Variants in DLG2 observed in about 807,000 individuals in gnomAD.
DLG2 encodes disks large homolog 2.
DLG2 carries 45 observed loss-of-function variants against 132.5 expected under a neutral mutation model. The ratio of observed to expected loss-of-function variants is 0.34; its 90% CI spans 0.27 to 0.44. DLG2 has a LOEUF of 0.44. Ranked by LOEUF, DLG2 falls within the 20% of genes least tolerant of loss-of-function variation. The pLI is 1.00. For synonymous variants in DLG2, 424 were observed against 419.6 expected (o/e 1.01, Z -0.13); for missense variants, 1,045 against 1,196.9 (o/e 0.87, Z 1.87).
At chr11:84,449,673 A>T (rs1476107249) in intron 7 of DLG2, among the ~76,000 whole-genome samples, 1 of 151,876 alleles carries the variant, frequency 6.6e-6, no homozygotes, top group African/African-American at 2.4e-5. Context: ...CATTTTTAAA[A>T]TGTTTACATA....
intron 15 of DLG2, among the ~76,000 whole-genome samples, chr11:83,925,977 T>G (rs1302652228): frequency 1.3e-5 from 2 of 152,180 alleles, no homozygotes; most frequent in African/African-American, 4.8e-5. Flanking sequence ...AATTTTAGTT[T>G]GATTTCAGGC....
intron 7 of DLG2, among the ~76,000 whole-genome samples, chr11:84,357,915 A>G (rs1301112843): frequency 6.6e-6 from 1 of 152,000 alleles, no homozygotes; most frequent in African/African-American, 2.4e-5. Flanking sequence ...ATAATTTTCT[A>G]GAAGTTGGCC....
At chr11:85,372,434 C>G (rs1340473737) in intron 3 of DLG2, among the ~76,000 whole-genome samples, 1 of 152,172 alleles carries the variant, frequency 6.6e-6, no homozygotes, top group East Asian at 1.9e-4. Flanking sequence ...TGCAACCCCC[C>G]TGAGATACAT....
At chr11:83,681,539 C>T (rs896138264) in intron 18 of DLG2, among the ~76,000 whole-genome samples, 8 of 152,286 alleles carry the variant, frequency 5.3e-5, no homozygotes, top group Admixed American at 3.9e-4. Flanking sequence ...TTCTTTCACT[C>T]CCTCTCCCAC....
intron 7 of DLG2, among the ~76,000 whole-genome samples, chr11:84,510,618 T>C (rs905269218): frequency 3.0e-4 from 46 of 152,312 alleles, no homozygotes; most frequent in Admixed American, 2.8e-3. Flanking sequence ...TCCAAATGTA[T>C]GTAATATATA....
At chr11:83,527,495 G>T (rs1814569515) in intron 21 of DLG2, among the ~76,000 whole-genome samples, 1 of 152,074 alleles carries the variant, frequency 6.6e-6, no homozygotes, top group Non-Finnish European at 1.5e-5. Context: ...AGGATTCCTT[G>T]AGCCCAAGAG....
intron 3 of DLG2, among the ~76,000 whole-genome samples, chr11:85,403,395 T>C (rs75942801): frequency 1.3e-5 from 2 of 151,804 alleles, no homozygotes; most frequent in African/African-American, 4.8e-5. Context: ...ATGTAAATGA[T>C]GAGTTGATGG....
chr11:85,122,004 G>A lies in DLG2; in HGVS notation c.283-10269C>T, dbSNP rs569301512. Among the ~76,000 whole-genome samples, 3 of 152,198 alleles carry A rather than the reference G, an allele frequency of 2.0e-5. No individual in the cohort carries two copies. The South Asian group carries it at 6.2e-4, about 32-fold the overall frequency. ...TGTGTGTGTAAATTAGAGGAAGGAA[G>A]AATTTCACCCACTCATTCACTTATT... On this transcript the variant is annotated intron_variant, in intron 5 of 27. Transcript: ENST00000376104.
At chr11:85,262,199 G>A (rs150482519) in intron 4 of DLG2, among the ~76,000 whole-genome samples, 5 of 152,270 alleles carry the variant, frequency 3.3e-5, no homozygotes, top group East Asian at 3.9e-4. Context: ...TTTCTGATCC[G>A]GAAGTTTTTT....
intron 6 of DLG2, among the ~76,000 whole-genome samples, chr11:84,989,757 T>C (rs1484175048): frequency 2.6e-5 from 4 of 152,186 alleles, no homozygotes; most frequent in African/African-American, 9.6e-5. Flanking sequence ...CTGTGTGATG[T>C]TGGTACAGGG....
intron 16 of DLG2, among the ~76,000 whole-genome samples, chr11:83,853,797 A>C (rs1318728674): frequency 6.6e-6 from 1 of 152,142 alleles, no homozygotes; most frequent in African/African-American, 2.4e-5. Context: ...AAAAACTTGA[A>C]GCTTTCCCAC....
At chr11:84,689,636 A>G (rs1210344738) in intron 6 of DLG2, among the ~76,000 whole-genome samples, 2 of 152,180 alleles carry the variant, frequency 1.3e-5, no homozygotes, top group African/African-American at 4.8e-5. Context: ...TTACTATAGA[A>G]GTTAAAAAGA....
chr11:84,282,291 T>G (rs1295171699), intron 7 of DLG2, among the ~76,000 whole-genome samples: 1 of 152,126 alleles, frequency 6.6e-6, no homozygotes, highest in Admixed American at 6.5e-5. Context: ...TTATATAAAA[T>G]TATAGAAAAT....
intron 17 of DLG2, among the ~76,000 whole-genome samples, chr11:83,806,814 G>A (rs547732771): frequency 6.6e-6 from 1 of 152,166 alleles, no homozygotes; most frequent in African/African-American, 2.4e-5. Context: ...AGCTCACCAA[G>A]GATTTCATGG....
Position 85,150,699 on chromosome 11 carries a change from A to AGTGTGTGTGTGTGT in DLG2, c.282+3843_282+3856dup, listed in dbSNP as rs71036459. Reference sequence around the variant, plus strand: ...TTTCCTTTTGTTCCTAAGGCTACATAGTGTGTGTGTGTGTGTGTGTGTGTG... The same window carrying AGTGTGTGTGTGTGT: ...TTTCCTTTTGTTCCTAAGGCTACATAGTGTGTGTGTGTGTGTGTGTGTGTGTGTGTGTGTGTGTG... On this transcript the variant is annotated intron_variant, in intron 5 of 27. Transcript: ENST00000376104. Among the ~76,000 whole-genome samples the AGTGTGTGTGTGTGT allele has an allele frequency of 1.3e-4, 17 of 127,348 alleles. No homozygotes were observed. In the East Asian group the frequency reaches 1.9e-3, roughly 14 times the overall value. 83.5% of individuals were successfully genotyped at this position (127,348 alleles called of 152,430 possible).
At chr11:83,769,707 GCGCCCACCACTA>G (rs933621384) in intron 18 of DLG2, among the ~76,000 whole-genome samples, 2 of 151,990 alleles carry the variant, frequency 1.3e-5, no homozygotes, top group Admixed American at 1.3e-4. Flanking sequence ...GGGATTACAG[GCGCCCACCACTA>G]CGCCTGGCTA....
At chr11:85,004,272 C>T (rs750336525) in intron 6 of DLG2, among the ~76,000 whole-genome samples, 3 of 152,152 alleles carry the variant, frequency 2.0e-5, no homozygotes, top group Non-Finnish European at 2.9e-5. Context: ...ATTTCTGGTT[C>T]TCCATCTTTG....
chr11:85,045,272 A>C (rs1468721261), intron 6 of DLG2, among the ~76,000 whole-genome samples: 1 of 152,056 alleles, frequency 6.6e-6, no homozygotes, highest in African/African-American at 2.4e-5. Flanking sequence ...TTTGGCTTTC[A>C]TAATAAGCTA....
intron 8 of DLG2, among the ~76,000 whole-genome samples, chr11:84,184,235 C>T (rs963474943): frequency 6.6e-5 from 10 of 152,226 alleles, no homozygotes; most frequent in Admixed American, 1.3e-4. Flanking sequence ...TCTCCAGCAC[C>T]TGTTGTTTCC....
Sources: allele counts gnomAD v4.1 joint callset (sites outside exome capture counted in the v4.1 genomes callset), GRCh38; gene constraint gnomAD v4.1.1; transcripts MANE v1.5; gene names NCBI Gene and HGNC (gene_info 2026-07-23, HGNC 2026-07-21).